TRNT1: variants seen among roughly 807,000 people sequenced by gnomAD.
TRNT1 encodes the protein tRNA nucleotidyl transferase 1, also known as CCA tRNA nucleotidyltransferase 1, mitochondrial.
In TRNT1, 44 loss-of-function variants were observed where a neutral mutation model predicts 45.6. The observed-to-expected ratio is 0.97, with a 90% CI of 0.76 to 1.24. The LOEUF is 1.24. TRNT1 is among the 50% of genes most tolerant of loss of function. The pLI is 0.00. For synonymous variants in TRNT1, 201 were observed against 171.4 expected (o/e 1.17, Z -1.35); for missense variants, 633 against 504.4 (o/e 1.25, Z -2.44).
chr3:3,147,192 CA>C (rs764393628), intron 6 of TRNT1, among the ~76,000 whole-genome samples: 2 of 152,112 alleles, frequency 1.3e-5, no homozygotes, highest in South Asian at 4.1e-4. Context: ...GTGAGTCTGA[CA>C]CCACTGTCAC....
At chr3:3,140,283 A>C (rs1433272661) in intron 3 of TRNT1, among the ~76,000 whole-genome samples, 1 of 116,938 alleles carries the variant, frequency 8.6e-6, no homozygotes, top group Non-Finnish European at 1.9e-5. Flanking sequence ...CATCTTTTTT[A>C]ATCATGATGG....
chr3:3,132,805 G>C (rs542407943), intron 2 of TRNT1, among the ~76,000 whole-genome samples: 3 of 150,840 alleles, frequency 2.0e-5, no homozygotes, highest in African/African-American at 7.3e-5. Context: ...GGAAGTTAGA[G>C]CCTAAATGGT....
At position 3,148,682 on chromosome 3, in the gene TRNT1, C is replaced by T. The variant is rs1400084718; in HGVS notation, c.*528C>T. ...CCCCAGTTGCTGGCATTCATATGTA[C>T]AGGATTTGTTCTAGCAAGCTATGCT... On this transcript the variant is annotated 3_prime_UTR_variant, in exon 8 of 8. Transcript: ENST00000251607. 1 of 152,390 alleles carries T rather than the reference C, an allele frequency of 6.6e-6. No homozygotes were observed. The allele number at this position is 152,390 out of a possible 1,614,324, so 9.4% of individuals were successfully genotyped here. A position where few individuals can be genotyped will look rare whatever the true frequency, so the allele number is the denominator to read the frequency against.
chr3:3,149,602 AGAACTATAG>A (rs904295906), downstream of TRNT1: 1 of 152,144 alleles, frequency 6.6e-6, no homozygotes, highest in African/African-American at 2.4e-5. Flanking sequence ...GTGCAGTGTA[AGAACTATAG>A]GAACAAACCA....
intron 2 of TRNT1, among the ~76,000 whole-genome samples, chr3:3,133,350 T>TATC (rs1276690749): frequency 6.6e-6 from 1 of 152,040 alleles, no homozygotes; most frequent in Admixed American, 6.5e-5. Flanking sequence ...GCCCAGGAGT[T>TATC]AGAGACCAGC....
downstream of TRNT1, among the ~76,000 whole-genome samples, chr3:3,152,013 T>A (rs1241654497): frequency 1.3e-5 from 2 of 152,152 alleles, no homozygotes; most frequent in Admixed American, 1.3e-4. Context: ...AAAAAAACAA[T>A]TTTGGATTTA....
chr3:3,150,741 AATGTT>A (rs1439767626), downstream of TRNT1: 2 of 942,232 alleles, frequency 2.1e-6, no homozygotes, highest in Non-Finnish European at 3.2e-6. Flanking sequence ...CCCTCCAAGT[AATGTT>A]ATGTTTACTT....
At chr3:3,151,919 T>TTTACA (rs924861317), downstream of TRNT1, among the ~76,000 whole-genome samples, 11 of 152,300 alleles carry the variant, frequency 7.2e-5, 1 homozygote, top group Admixed American at 5.9e-4. Flanking sequence ...ATTCTCCGGT[T>TTTACA]TTACATTACT....
At chr3:3,133,785 A>G (rs1355381346) in intron 2 of TRNT1, among the ~76,000 whole-genome samples, 1 of 152,034 alleles carries the variant, frequency 6.6e-6, no homozygotes, top group East Asian at 2.0e-4. Flanking sequence ...TGAAGTCCGG[A>G]GCTCTTAGAA....
At chr3:3,141,600 G>A (rs1287640828) in intron 4 of TRNT1, among the ~76,000 whole-genome samples, 1 of 152,052 alleles carries the variant, frequency 6.6e-6, no homozygotes, top group Non-Finnish European at 1.5e-5. Context: ...ATTATATGGG[G>A]GCTAGATACG....
At chr3:3,132,719 T>C (rs568935744) in intron 2 of TRNT1, among the ~76,000 whole-genome samples, 68 of 98,684 alleles carry the variant, frequency 6.9e-4, no homozygotes, top group Admixed American at 1.1e-3. Flanking sequence ...AAAAAACATA[T>C]ACCTATTGAA....
intron 1 of TRNT1, among the ~76,000 whole-genome samples, chr3:3,128,613 A>AAAAG (rs1559211764): frequency 7.5e-6 from 1 of 132,680 alleles, no homozygotes. Context: ...AAAAAAAAAA[A>AAAAG]AAAAAAAAGA....
Position 3,140,663 on chromosome 3 carries a change from T to TA in TRNT1, c.481+19dup, listed in dbSNP as rs761557651. 7 of 1,612,822 alleles carry TA rather than the reference T, an allele frequency of 4.3e-6. No homozygotes were observed. The Admixed American group carries it at 1.2e-4, about 27-fold the overall frequency. On this transcript the variant is annotated intron_variant, in intron 4 of 7. Transcript: ENST00000251607. ...TATGTTTTTAGGTAATATTTGCAGA[T>TA]AAAACCATATTGTGAGTCTATCAGA...
downstream of TRNT1, chr3:3,152,307 C>A: frequency 1.2e-6 from 1 of 818,114 alleles, no homozygotes; most frequent in Middle Eastern, 2.4e-4. Context: ...CCCCTGCCCC[C>A]ATACCCGGCT....
intron 5 of TRNT1, 47 bp downstream of exon 5, chr3:3,144,757 A>G (rs753553671): frequency 1.5e-5 from 22 of 1,441,346 alleles, no homozygotes; most frequent in Non-Finnish European, 2.0e-5. Flanking sequence ...TATCATGACT[A>G]GAGCATAACA....
intron 2 of TRNT1, among the ~76,000 whole-genome samples, chr3:3,134,586 C>T (rs1705210655): frequency 2.0e-5 from 3 of 152,152 alleles, no homozygotes; most frequent in South Asian, 4.1e-4. Context: ...TGACCTTCTT[C>T]ATCCCACTGT....
At position 3,140,943 on chromosome 3, in the gene TRNT1, G is replaced by A. The variant is rs558416112; in HGVS notation, c.481+295G>A. Among the ~76,000 whole-genome samples, 15 of 152,298 alleles carry A rather than the reference G, an allele frequency of 9.8e-5. 1 individual carries two copies. The South Asian group carries it at 2.3e-3, about 23-fold the overall frequency. ...TAAAAATATAAAAAATTAGCCGGGC[G>A]TGGTGGCGGCTGCCTGTAGTCCCAG... On this transcript the variant is annotated intron_variant, in intron 4 of 7. Coordinates refer to ENST00000251607, the MANE Select transcript of TRNT1 (RefSeq NM_182916.3).
chr3:3,137,911 A>G (rs1020506564), intron 3 of TRNT1, among the ~76,000 whole-genome samples: 3 of 152,140 alleles, frequency 2.0e-5, no homozygotes, highest in South Asian at 2.1e-4. Context: ...CATTTCTTCT[A>G]TTGGCATGTT....
intron 2 of TRNT1, chr3:3,131,288 AG>A (rs1357035723): frequency 6.6e-6 from 1 of 152,126 alleles, no homozygotes; most frequent in African/African-American, 2.4e-5. Flanking sequence ...TGCCCTTCAC[AG>A]CCCCCAATTT....
Sources: allele counts gnomAD v4.1 joint callset (sites outside exome capture counted in the v4.1 genomes callset), GRCh38; gene constraint gnomAD v4.1.1; transcripts MANE v1.5; gene names NCBI Gene and HGNC (gene_info 2026-07-23, HGNC 2026-07-21).